The following FDCSP variants were observed in gnomAD, a reference collection of about 807,000 sequenced individuals.
FDCSP encodes the protein follicular dendritic cell secreted peptide.
A neutral mutation model predicts 8.9 loss-of-function variants in FDCSP; 8 were observed. The observed-to-expected ratio is 0.90, with a 90% CI of 0.53 to 1.63. The LOEUF is 1.63. Among genes scored for constraint, FDCSP ranks in the 40% most tolerant of loss-of-function variants. The probability of loss-of-function intolerance (pLI) is 0.00; values close to 1 mark genes in which losing one functional copy is unlikely to be tolerated. For missense variants in FDCSP, 101 were observed against 103.6 expected, an observed-to-expected ratio of 0.98 and a Z score of 0.11; for synonymous variants, 34 against 34.5, an observed-to-expected ratio of 0.98 and a Z score of 0.06.
intron 1 of FDCSP, 63 bp from the exon 2 acceptor site, chr4:70,231,132 C>G: frequency 7.4e-7 from 1 of 1,343,540 alleles, no homozygotes; most frequent in Non-Finnish European, 1.0e-6. Flanking sequence ...TTTTAGCTGA[C>G]TTCTAGGATA....
chr4:70,234,049 G>GT lies in FDCSP; in HGVS notation c.126dup (p.Val43CysfsTer23). ...GTGACAGCGATGAATTAGCTTCAGG[G>GT]TTTTTTGTGTTCCCTTACCCATATC... On this transcript the variant is annotated frameshift_variant, in exon 4 of 5. Transcript: ENST00000317987. LOFTEE classifies it high-confidence loss of function. The GT allele has an allele frequency of 6.2e-7, 1 of 1,606,402 alleles. No individual in the cohort carries two copies. Among genetic ancestry groups the GT allele is most frequent in the South Asian group, 1.1e-5 (1 of 89,760 alleles).
chr4:70,231,366 C>T, intron 2 of FDCSP, 115 bp downstream of exon 2: 1 of 795,496 alleles, frequency 1.3e-6, no homozygotes, highest in Non-Finnish European at 2.0e-6. Context: ...ACAGAGCTAC[C>T]AAGTGCAGTG....
intron 3 of FDCSP, 110 bp downstream of exon 3, chr4:70,233,136 A>T (rs996323932): frequency 2.5e-5 from 24 of 965,014 alleles, no homozygotes; most frequent in Non-Finnish European, 3.5e-5. Flanking sequence ...AGAGATTCAT[A>T]AAGAGCTTTT....
chr4:70,226,878 G>A (rs576272774), intron 1 of FDCSP, among the ~76,000 whole-genome samples: 2 of 151,764 alleles, frequency 1.3e-5, no homozygotes, highest in African/African-American at 4.8e-5. Flanking sequence ...CTGTAATGTG[G>A]ATTATTTACT....
intron 3 of FDCSP, 116 bp from the exon 4 acceptor site, chr4:70,233,904 A>G (rs1730129384): frequency 1.1e-6 from 1 of 896,038 alleles, no homozygotes; most frequent in Non-Finnish European, 1.7e-6. Flanking sequence ...AAAGGATTTT[A>G]GAGCTTCTAA....
At chr4:70,231,432 C>T (rs536435591) in intron 2 of FDCSP, among the ~76,000 whole-genome samples, 181 bp downstream of exon 2, 1 of 151,554 alleles carries the variant, frequency 6.6e-6, no homozygotes, top group Non-Finnish European at 1.5e-5. Context: ...ATCACTTGAG[C>T]CCACAAGTTC....
At chr4:70,231,313 C>T in intron 2 of FDCSP, 62 bp downstream of exon 2, 2 of 1,319,872 alleles carry the variant, frequency 1.5e-6, no homozygotes, top group Non-Finnish European at 2.1e-6. Flanking sequence ...ATATTTATGT[C>T]AACCAGGAAC....
chr4:70,227,882 T>C (rs1730015259), intron 1 of FDCSP, among the ~76,000 whole-genome samples: 1 of 151,888 alleles, frequency 6.6e-6, no homozygotes, highest in African/African-American at 2.4e-5. Context: ...TCAAAAATGC[T>C]AACAATTATC....
chr4:70,233,747 A>G (rs958129325), intron 3 of FDCSP, among the ~76,000 whole-genome samples: 2 of 151,648 alleles, frequency 1.3e-5, no homozygotes, highest in African/African-American at 4.8e-5. Context: ...CCGCAACACC[A>G]CATTCATCTT....
chr4:70,233,333 T>C (rs1181155583), intron 3 of FDCSP, among the ~76,000 whole-genome samples: 1 of 151,724 alleles, frequency 6.6e-6, no homozygotes, highest in East Asian at 1.9e-4. Flanking sequence ...CACTCTGCCA[T>C]AGCTCTATGA....
At chr4:70,228,155 C>A (rs1372292297) in intron 1 of FDCSP, among the ~76,000 whole-genome samples, 2 of 151,816 alleles carry the variant, frequency 1.3e-5, no homozygotes, top group Non-Finnish European at 2.9e-5. Flanking sequence ...TCAACCCTTG[C>A]AAACCCTGCC....
intron 1 of FDCSP, 79 bp from the exon 2 acceptor site, chr4:70,231,116 A>C (rs1297227124): frequency 4.4e-6 from 5 of 1,125,766 alleles, no homozygotes; most frequent in East Asian, 2.6e-5. Flanking sequence ...TTTTAAATTC[A>C]TGGTCTTTTA....
At chr4:70,232,614 G>A (rs1473614283) in intron 2 of FDCSP, among the ~76,000 whole-genome samples, 2 of 151,408 alleles carry the variant, frequency 1.3e-5, no homozygotes. Context: ...ATTTTGTCTT[G>A]ATTCATGAAT....
chr4:70,232,682 G>A (rs141946297), intron 2 of FDCSP, among the ~76,000 whole-genome samples: 241 of 151,384 alleles, frequency 1.6e-3, no homozygotes, highest in African/African-American at 5.5e-3. Context: ...TAACACACAC[G>A]CTGTATTCTG....
chr4:70,230,536 G>A (rs933267797), intron 1 of FDCSP, among the ~76,000 whole-genome samples: 1 of 151,494 alleles, frequency 6.6e-6, no homozygotes, highest in African/African-American at 2.4e-5. Flanking sequence ...AAAATGCTTT[G>A]GAAAGTCCTT....
intron 1 of FDCSP, among the ~76,000 whole-genome samples, chr4:70,230,664 T>G (rs1026197276): frequency 6.6e-6 from 1 of 151,666 alleles, no homozygotes; most frequent in Non-Finnish European, 1.5e-5. Context: ...CGTGGATTTT[T>G]GGGGGTTGCC....
chr4:70,234,298 T>C, intron 4 of FDCSP, 83 bp downstream of exon 4: 2 of 1,174,208 alleles, frequency 1.7e-6, no homozygotes, highest in East Asian at 2.6e-5. Flanking sequence ...AAATGTTAAC[T>C]ATGTCCCTAG....
intron 1 of FDCSP, among the ~76,000 whole-genome samples, chr4:70,229,876 C>A (rs979041626): frequency 4.6e-5 from 7 of 151,522 alleles, no homozygotes; most frequent in East Asian, 1.9e-4. Context: ...ATCAAAATAT[C>A]TTATAATACT....
At chr4:70,231,611 T>G (rs1164378495) in intron 2 of FDCSP, among the ~76,000 whole-genome samples, 1 of 151,754 alleles carries the variant, frequency 6.6e-6, no homozygotes, top group Non-Finnish European at 1.5e-5. Flanking sequence ...GCCAGTCATA[T>G]AAGAATAGAG....
Sources: allele counts gnomAD v4.1 joint callset (sites outside exome capture counted in the v4.1 genomes callset), GRCh38; gene constraint gnomAD v4.1.1; transcripts MANE v1.5; gene names NCBI Gene and HGNC (gene_info 2026-07-23, HGNC 2026-07-21).